SPEF2: variants seen among roughly 807,000 people sequenced by gnomAD.
SPEF2 encodes the protein sperm flagellar and cilia associated 2, also known as sperm flagella and cilia-associated protein 2.
In SPEF2, 187 loss-of-function variants were observed where a neutral mutation model predicts 224.6. The ratio of observed to expected loss-of-function variants is 0.83; its 90% CI spans 0.74 to 0.94. SPEF2 has a LOEUF of 0.94. SPEF2 is among the 40% of genes least tolerant of loss of function. The pLI is 0.00. For missense variants in SPEF2, 2,170 were observed against 2,135.6 expected, an observed-to-expected ratio of 1.02 and a Z score of -0.32; for synonymous variants, 715 against 707.3, an observed-to-expected ratio of 1.01 and a Z score of -0.17.
rs1754222700 is a variant in SPEF2 at position 35,690,067 on chromosome 5, T to C, written c.1525-970T>C. Among the ~76,000 whole-genome samples, 3 of 152,294 alleles carry C rather than the reference T, an allele frequency of 2.0e-5. No homozygotes were observed. The South Asian group carries it at 6.2e-4, about 32-fold the overall frequency. On this transcript the variant is annotated intron_variant, in intron 10 of 36. Coordinates refer to ENST00000356031, the MANE Select transcript of SPEF2 (RefSeq NM_024867.4). ...TACTTTTGTTCCCTATTTTAATGGC[T>C]ACTTTGTTTATTTTCCTTCTTTTTT...
intron 26 of SPEF2, among the ~76,000 whole-genome samples, chr5:35,768,626 G>A (rs929499280): frequency 1.6e-4 from 24 of 151,956 alleles, no homozygotes; most frequent in East Asian, 7.7e-4. Flanking sequence ...TTATCTCTAC[G>A]TTAAGAAATG....
rs183789092 is a variant in SPEF2, at chr5:35,685,113, A to G, written c.1525-5924A>G. Among the ~76,000 whole-genome samples the G allele has an allele frequency of 8.5e-5, 13 of 152,286 alleles. No individual in the cohort carries two copies. In the East Asian group the frequency reaches 2.3e-3, roughly 27 times the overall value. ...TTATTATTATGTACAGAGCTCCTAG[A>G]AAAAACAAAGGCAGTAAACTAAAAA... On this transcript the variant is annotated intron_variant, in intron 10 of 36. Transcript: ENST00000356031.
At chr5:35,797,588 C>A (rs1398239107) in intron 33 of SPEF2, among the ~76,000 whole-genome samples, 1 of 151,980 alleles carries the variant, frequency 6.6e-6, no homozygotes, top group Non-Finnish European at 1.5e-5. Context: ...AGAGGGAGTT[C>A]CTGTGTGTGG....
At chr5:35,627,035 C>G (rs2149366060) in intron 1 of SPEF2, among the ~76,000 whole-genome samples, 1 of 151,760 alleles carries the variant, frequency 6.6e-6, no homozygotes, top group East Asian at 1.9e-4. Context: ...TGTGATACTG[C>G]AATGACATAT....
chr5:35,692,942 T>C (rs1370419528), intron 12 of SPEF2, among the ~76,000 whole-genome samples: 1 of 152,180 alleles, frequency 6.6e-6, no homozygotes, highest in Non-Finnish European at 1.5e-5. Context: ...ATGTGGGTAC[T>C]TGTATAACAA....
chr5:35,671,590 C>T (rs937360997), intron 10 of SPEF2: 10 of 882,356 alleles, frequency 1.1e-5, no homozygotes, highest in South Asian at 1.0e-4. Context: ...ACTGGTTCAT[C>T]GAATGTTTAT....
At chr5:35,769,251 C>T (rs1752472163) in intron 26 of SPEF2, among the ~76,000 whole-genome samples, 1 of 152,012 alleles carries the variant, frequency 6.6e-6, no homozygotes, top group Admixed American at 6.6e-5. Flanking sequence ...CAGTGCTTTG[C>T]AGGAACCGAT....
chr5:35,763,577 A>C lies in SPEF2; in HGVS notation c.3676A>C (p.Lys1226Gln), dbSNP rs763126515. The change falls in exon 26 of 37, where the codon AAA (lysine) becomes CAA (glutamine). Residue 1226 changes from lysine to glutamine, a missense_variant. Coordinates refer to ENST00000356031, the MANE Select transcript of SPEF2 (RefSeq NM_024867.4). ...TCTGGAAACAGTTACACCCAAACCA[A>C]AAACAAAATCAGTACTGAAGGGCAA... ...ISLETVTPKP[K>Q]TKSVLKGKMD... The C allele has an allele frequency of 1.2e-6, 2 of 1,613,042 alleles. No homozygotes were observed. The highest frequency in any genetic ancestry group is 1.7e-6 in the Non-Finnish European group (2 of 1,179,674).
At chr5:35,768,673 A>G (rs1172640361) in intron 26 of SPEF2, among the ~76,000 whole-genome samples, 2 of 152,180 alleles carry the variant, frequency 1.3e-5, no homozygotes, top group South Asian at 2.1e-4. Flanking sequence ...TGGACTTTAA[A>G]AAATCTTATA....
At position 35,759,683 on chromosome 5, in the gene SPEF2, A is replaced by G; in HGVS notation, c.3584A>G (p.Gln1195Arg). ...NKRFTRIPLV[Q>R]LDSKDNSESQ... ...AGATTTACTCGAATCCCTTTGGTCC[A>G]ACTGGATAGTAAAGACAATTCTGAA... The change falls in exon 25 of 37, where the codon CAA becomes CGA. Residue 1195 changes from glutamine (Q) to arginine (R), a missense_variant. Gln to Arg is a conservative substitution (Grantham distance 43). Coordinates refer to ENST00000356031, the MANE Select transcript of SPEF2 (RefSeq NM_024867.4). The G allele has an allele frequency of 1.2e-6, 2 of 1,605,640 alleles. No homozygotes were observed. Among genetic ancestry groups the G allele is most frequent in the African/African-American group, 2.7e-5 (2 of 74,972 alleles).
intron 18 of SPEF2, among the ~76,000 whole-genome samples, chr5:35,706,408 A>G (rs1031483026): frequency 2.6e-5 from 4 of 151,976 alleles, no homozygotes; most frequent in Non-Finnish European, 4.4e-5. Flanking sequence ...CATTCAACCA[A>G]TGATAATTGC....
At chr5:35,784,992 G>C (rs866866469) in intron 30 of SPEF2, among the ~76,000 whole-genome samples, 14 of 152,178 alleles carry the variant, frequency 9.2e-5, no homozygotes, top group Admixed American at 9.2e-4. Context: ...CAGGCTTAGT[G>C]CCTCTGAGAA....
chr5:35,697,782 A>C lies in SPEF2; in HGVS notation c.2130A>C (p.Val710=). ...ATGTGCTGCTTGTTGACATCATAGT[A>C]AATGCTATTAAGTATGTATTGCATT... ...IPDVLLVDII[V]NAINEIPVNQ... Residue 710 remains valine, a synonymous_variant, in exon 15 of 37, where the codon GTA becomes GTC. Transcript: ENST00000356031. The C allele has an allele frequency of 6.2e-7, 1 of 1,609,930 alleles. No homozygotes were observed. Among genetic ancestry groups the C allele is most frequent in the Non-Finnish European group, 8.5e-7 (1 of 1,177,096 alleles).
intron 30 of SPEF2, chr5:35,789,202 ACTTCTGGAGTCC>A: frequency 1.4e-6 from 1 of 702,846 alleles, no homozygotes; most frequent in Non-Finnish European, 2.6e-6. Context: ...AACCCAAAGA[ACTTCTGGAGTCC>A]CTTCTCCAAG....
Position 35,773,890 on chromosome 5 carries a change from C to A in SPEF2, c.3950-3C>A. On this transcript the variant is annotated splice_polypyrimidine_tract_variant and splice_region_variant and intron_variant, in intron 27 of 36. Coordinates refer to ENST00000356031, the MANE Select transcript of SPEF2 (RefSeq NM_024867.4). The stretch of plus-strand genomic sequence containing the variant: ...TACTCAGCATGTTTCATTGCCCTTT[C>A]AGGTAAATCACCACCTATGGCAGAA... The A allele has an allele frequency of 6.2e-7, 1 of 1,610,584 alleles. No homozygotes were observed. Among genetic ancestry groups the A allele is most frequent in the Non-Finnish European group, 8.5e-7 (1 of 1,178,630 alleles).
At chr5:35,636,935 C>T (rs972561879) in intron 2 of SPEF2, among the ~76,000 whole-genome samples, 10 of 147,712 alleles carry the variant, frequency 6.8e-5, no homozygotes, top group African/African-American at 1.5e-4. Context: ...AAGATTGCGC[C>T]GTTGCACTCC....
At chr5:35,700,846 A>G (rs920486395) in intron 16 of SPEF2, 94 bp downstream of exon 16, 10 of 1,294,660 alleles carry the variant, frequency 7.7e-6, no homozygotes, top group Non-Finnish European at 1.1e-5. Context: ...ATAAATGAGT[A>G]CAAAATAATC....
At chr5:35,709,280 G>A in intron 19 of SPEF2, 159 bp downstream of exon 19, 1 of 1,445,410 alleles carries the variant, frequency 6.9e-7, no homozygotes, top group Non-Finnish European at 9.0e-7. Flanking sequence ...CCTCGGAGTA[G>A]CTAAAAGCGT....
At chr5:35,627,329 C>T (rs1467130872) in intron 1 of SPEF2, among the ~76,000 whole-genome samples, 1 of 151,848 alleles carries the variant, frequency 6.6e-6, no homozygotes, top group Admixed American at 6.6e-5. Flanking sequence ...CGGCTGGGCA[C>T]GGTGGCTCAT....
Sources: gnomAD v4.1 joint callset for allele counts (sites outside exome capture counted in the v4.1 genomes callset) on GRCh38, gnomAD v4.1.1 for gene constraint, MANE v1.5 for transcripts, NCBI Gene and HGNC (gene_info 2026-07-23, HGNC 2026-07-21) for gene names.